The following SPHKAP variants were observed in gnomAD, a reference collection of about 807,000 sequenced individuals.
SPHKAP encodes the protein A-kinase anchor protein SPHKAP.
In SPHKAP, 67 loss-of-function variants were observed where a neutral mutation model predicts 137.5. The observed-to-expected ratio is 0.49, with a 90% CI of 0.40 to 0.60. The LOEUF (loss-of-function observed/expected upper bound fraction) is 0.60. Ranked by LOEUF, SPHKAP falls within the 20% of genes least tolerant of loss-of-function variation. SPHKAP has a pLI of 0.00. For synonymous variants in SPHKAP, 813 were observed against 785.3 expected (o/e 1.04, Z -0.59); for missense variants, 2,097 against 2,069.3 (o/e 1.01, Z -0.26).
At chr2:228,130,246 A>C (rs1699208136) in intron 2 of SPHKAP, among the ~76,000 whole-genome samples, 1 of 152,184 alleles carries the variant, frequency 6.6e-6, no homozygotes, top group Non-Finnish European at 1.5e-5. Flanking sequence ...ATAAATCCCT[A>C]ACTCTCTAGG....
chr2:228,014,650 C>T (rs1574746604), intron 7 of SPHKAP, among the ~76,000 whole-genome samples: 2 of 152,092 alleles, frequency 1.3e-5, no homozygotes, highest in African/African-American at 4.8e-5. Context: ...ATACACTCAA[C>T]CATAACCACA....
At chr2:228,002,038 A>G (rs1693927815) in intron 7 of SPHKAP, among the ~76,000 whole-genome samples, 1 of 152,174 alleles carries the variant, frequency 6.6e-6, no homozygotes, top group African/African-American at 2.4e-5. Flanking sequence ...ATACGTGTGC[A>G]TGTGTTTTTA....
chr2:228,053,731 T>G (rs1479320085), intron 3 of SPHKAP, among the ~76,000 whole-genome samples: 1 of 152,200 alleles, frequency 6.6e-6, no homozygotes, highest in African/African-American at 2.4e-5. Context: ...ATTTCCTGGA[T>G]TTTTAGATGT....
rs561459278 is a variant in SPHKAP, at chr2:227,994,988, C to G, written c.4634+521G>C. Among the ~76,000 whole-genome samples the G allele has an allele frequency of 2.6e-5, 4 of 152,308 alleles. No homozygotes were observed. The South Asian group carries it at 6.2e-4, about 24-fold the overall frequency. ...GCAAGGAATAGATTTTAGTTAATGT[C>G]TCCTGACTGGCTTGAGCCCTTCCAA... On this transcript the variant is annotated intron_variant, in intron 8 of 11. Transcript: ENST00000392056.
At chr2:228,099,910 C>G (rs574990479) in intron 3 of SPHKAP, among the ~76,000 whole-genome samples, 1 of 151,486 alleles carries the variant, frequency 6.6e-6, no homozygotes, top group African/African-American at 2.4e-5. Flanking sequence ...AGTGCAGTGG[C>G]GCAATCTCGG....
At chr2:228,147,023 A>T (rs1219807715) in intron 1 of SPHKAP, among the ~76,000 whole-genome samples, 1 of 152,210 alleles carries the variant, frequency 6.6e-6, no homozygotes, top group Non-Finnish European at 1.5e-5. Context: ...GGGATTTTCC[A>T]ATTTAGGTGG....
At chr2:228,177,957 C>A (rs1333035324) in intron 1 of SPHKAP, among the ~76,000 whole-genome samples, 2 of 152,120 alleles carry the variant, frequency 1.3e-5, no homozygotes, top group African/African-American at 2.4e-5. Context: ...TATAACAATG[C>A]AAATGTTTAG....
At chr2:228,034,862 G>A (rs965330022) in intron 3 of SPHKAP, among the ~76,000 whole-genome samples, 6 of 152,062 alleles carry the variant, frequency 3.9e-5, no homozygotes, top group Non-Finnish European at 7.4e-5. Context: ...AATAAATTAG[G>A]TATTGATGGG....
chr2:228,074,478 G>A (rs1697109502), intron 3 of SPHKAP, among the ~76,000 whole-genome samples: 1 of 152,136 alleles, frequency 6.6e-6, no homozygotes, highest in African/African-American at 2.4e-5. Flanking sequence ...GAGAATGAGT[G>A]CTGGCAGGGG....
chr2:227,989,251 G>A (rs1369745135), intron 11 of SPHKAP, among the ~76,000 whole-genome samples: 2 of 152,172 alleles, frequency 1.3e-5, no homozygotes, highest in African/African-American at 2.4e-5. Flanking sequence ...GAACTACTGG[G>A]AAGTATTTTA....
Position 228,084,364 on chromosome 2 carries a change from T to C in SPHKAP, c.246+24468A>G, listed in dbSNP as rs574743967. On this transcript the variant is annotated intron_variant, in intron 3 of 11. Transcript: ENST00000392056. ...TGACTACAAACCGAAAGGTCATCTC[T>C]GCACAACTGAAAATCGCTAAGTCTA... is the stretch of plus-strand genomic sequence containing the variant. 7.2e-5 allele frequency among the ~76,000 whole-genome samples: 11 copies of C among 152,298 alleles called. No homozygotes were observed. The East Asian group carries it at 1.7e-3, about 24-fold the overall frequency.
intron 3 of SPHKAP, among the ~76,000 whole-genome samples, chr2:228,031,137 C>T (rs368670273): frequency 2.3e-4 from 35 of 152,290 alleles, no homozygotes; most frequent in East Asian, 1.4e-3. Context: ...GGGTGACAGA[C>T]GGCACCTGGA....
chr2:228,176,221 T>G (rs866064374), intron 1 of SPHKAP, among the ~76,000 whole-genome samples: 1 of 152,168 alleles, frequency 6.6e-6, no homozygotes, highest in Non-Finnish European at 1.5e-5. Flanking sequence ...GCTTTCCACC[T>G]CTGGGGGAAC....
intron 11 of SPHKAP, among the ~76,000 whole-genome samples, chr2:227,982,951 G>A (rs1693054459): frequency 1.3e-5 from 2 of 152,124 alleles, no homozygotes; most frequent in South Asian, 4.2e-4. Context: ...ATATGGATAA[G>A]TAAATTCTAT....
Position 228,027,693 on chromosome 2 carries a change from C to T in SPHKAP, c.247-150G>A, listed in dbSNP as rs118070239. 1,250 of 792,308 alleles carry T rather than the reference C, an allele frequency of 1.6e-3. 23 individuals are homozygous for T. The East Asian group carries it at 0.031, about 20-fold the overall frequency. 49.1% of individuals were successfully genotyped at this position (792,308 alleles called of 1,614,324 possible). The stretch of plus-strand genomic sequence containing the variant: ...ATAGAAATAGTCATTTCAGGGCGGG[C>T]GCAGTGGCTTATGGTTGTAATCCCA... On this transcript the variant is annotated intron_variant, in intron 3 of 11. Coordinates refer to ENST00000392056, the MANE Select transcript of SPHKAP (RefSeq NM_001142644.2).
At chr2:228,014,986 T>C (rs1299818042) in intron 7 of SPHKAP, among the ~76,000 whole-genome samples, 1 of 152,058 alleles carries the variant, frequency 6.6e-6, no homozygotes, top group Non-Finnish European at 1.5e-5. Context: ...TAGTTACATA[T>C]GTATACACGT....
chr2:228,099,871 A>G (rs1040293015), intron 3 of SPHKAP, among the ~76,000 whole-genome samples: 23 of 148,612 alleles, frequency 1.5e-4, no homozygotes, highest in Non-Finnish European at 1.5e-5. Flanking sequence ...TTTTTTTGAG[A>G]TGGAATCTCG....
At chr2:228,134,404 T>G (rs528077285) in intron 1 of SPHKAP, among the ~76,000 whole-genome samples, 1 of 152,220 alleles carries the variant, frequency 6.6e-6, no homozygotes. Context: ...ATGTTTGGAC[T>G]AAAGTGTGTG....
intron 1 of SPHKAP, among the ~76,000 whole-genome samples, chr2:228,172,212 C>T (rs1051556068): frequency 6.6e-6 from 1 of 152,086 alleles, no homozygotes; most frequent in African/African-American, 2.4e-5. Flanking sequence ...GAGTTAAAAG[C>T]ATATGATACA....
Sources: gnomAD v4.1 joint callset for allele counts (sites outside exome capture counted in the v4.1 genomes callset) on GRCh38, gnomAD v4.1.1 for gene constraint, MANE v1.5 for transcripts, NCBI Gene and HGNC (gene_info 2026-07-23, HGNC 2026-07-21) for gene names.